The following P3H2 variants were observed in gnomAD, a reference collection of about 807,000 sequenced individuals.
P3H2 encodes prolyl 3-hydroxylase 2, also known as leprecan-like 1.
In P3H2, 80 loss-of-function variants were observed where a neutral mutation model predicts 87.0. The ratio of observed to expected loss-of-function variants is 0.92; its 90% CI spans 0.77 to 1.11. The LOEUF is 1.11. Among genes scored for constraint, P3H2 ranks in the 50% least tolerant of loss-of-function variants. The pLI is 0.00. For synonymous variants in P3H2, 367 were observed against 359.3 expected, an observed-to-expected ratio of 1.02 and a Z score of -0.24; for missense variants, 1,001 against 923.9, an observed-to-expected ratio of 1.08 and a Z score of -1.08.
At chr3:189,988,221 G>C (rs1723766295) in intron 4 of P3H2, among the ~76,000 whole-genome samples, 1 of 152,070 alleles carries the variant, frequency 6.6e-6, no homozygotes, top group South Asian at 2.1e-4. Flanking sequence ...TCCTACAGTA[G>C]CAAACTACTA....
intron 1 of P3H2, among the ~76,000 whole-genome samples, chr3:190,024,989 C>CA (rs367759370): frequency 7.2e-4 from 107 of 148,792 alleles, no homozygotes; most frequent in Middle Eastern, 3.4e-3. Flanking sequence ...TATCAAAAGA[C>CA]AAAAAAAAAG....
At chr3:190,108,841 C>A (rs1051636206) in intron 1 of P3H2, among the ~76,000 whole-genome samples, 9 of 151,976 alleles carry the variant, frequency 5.9e-5, no homozygotes, top group African/African-American at 2.2e-4. Context: ...AGATCTTTCT[C>A]GTTTGTTTTT....
At chr3:190,075,548 T>C (rs1376799669) in intron 1 of P3H2, among the ~76,000 whole-genome samples, 5 of 150,662 alleles carry the variant, frequency 3.3e-5, no homozygotes, top group Non-Finnish European at 7.4e-5. Context: ...CCAAGACAGA[T>C]ACACATAAAA....
At chr3:190,081,211 C>T (rs940379081) in intron 1 of P3H2, among the ~76,000 whole-genome samples, 10 of 152,180 alleles carry the variant, frequency 6.6e-5, no homozygotes, top group African/African-American at 1.9e-4. Context: ...TATTATGGTT[C>T]GTTTGTGTAG....
Position 189,974,559 on chromosome 3 carries a change from C to G in P3H2, c.1451G>C (p.Ser484Thr), listed in dbSNP as rs1240301231. The G allele has an allele frequency of 3.1e-6, 5 of 1,613,566 alleles. No individual in the cohort carries two copies. In the African/African-American group the frequency reaches 6.7e-5, roughly 22 times the overall value. ...EQCRELHSVA[S>T]GIMLVGDGYR... is the part of the protein sequence containing the mutation. Reference sequence around the variant, plus strand: ...TCCCCTCCTTCTCCGGATCCTCACACTGGCCACGCTGTGGAGCTCCCGGCA... The same window carrying G: ...TCCCCTCCTTCTCCGGATCCTCACAGTGGCCACGCTGTGGAGCTCCCGGCA... Residue 484 changes from serine (S) to threonine (T), a missense_variant and splice_region_variant, in exon 9 of 15, where the codon AGT (serine) becomes ACT (threonine). Transcript: ENST00000319332.
chr3:190,113,419 C>A (rs1259406717), intron 1 of P3H2, among the ~76,000 whole-genome samples: 1 of 152,180 alleles, frequency 6.6e-6, no homozygotes, highest in African/African-American at 2.4e-5. Flanking sequence ...TTACCCTTTC[C>A]TCCCTTGCTT....
At chr3:189,971,695 T>G in intron 12 of P3H2, 195 bp downstream of exon 12, 1 of 577,292 alleles carries the variant, frequency 1.7e-6, no homozygotes. Flanking sequence ...GGATGCAAAC[T>G]GTGCACAATT....
At chr3:190,060,249 A>C (rs1335014762) in intron 1 of P3H2, among the ~76,000 whole-genome samples, 2 of 152,288 alleles carry the variant, frequency 1.3e-5, no homozygotes, top group African/African-American at 2.4e-5. Context: ...AGAAAAATAC[A>C]ACATTTGCCA....
chr3:190,102,125 T>C (rs1440926058), intron 1 of P3H2, among the ~76,000 whole-genome samples: 2 of 152,226 alleles, frequency 1.3e-5, no homozygotes, highest in Admixed American at 1.3e-4. Flanking sequence ...ACAATGCTTC[T>C]AGTCACCCAA....
At chr3:190,036,874 G>A (rs917780140) in intron 1 of P3H2, among the ~76,000 whole-genome samples, 5 of 151,958 alleles carry the variant, frequency 3.3e-5, no homozygotes, top group African/African-American at 1.2e-4. Flanking sequence ...AACAACAAAG[G>A]CCTCCAAAGG....
In P3H2 at chr3:190,072,279, G is replaced by A. The variant is rs373255825; in HGVS notation, c.480+47973C>T. On this transcript the variant is annotated intron_variant, in intron 1 of 14. Transcript: ENST00000319332. Reference sequence around the variant, plus strand: ...TGACCTTAGGTGATCTGCCCACCTCGGCCTCCCAAAGTACTGGAATTACAG... The same window carrying A: ...TGACCTTAGGTGATCTGCCCACCTCAGCCTCCCAAAGTACTGGAATTACAG... Among the ~76,000 whole-genome samples the A allele has an allele frequency of 2.8e-4, 43 of 152,026 alleles. No individual in the cohort carries two copies. The East Asian group carries it at 8.1e-3, about 29-fold the overall frequency.
chr3:189,976,213 T>C (rs1252117995), intron 8 of P3H2, among the ~76,000 whole-genome samples: 1 of 152,208 alleles, frequency 6.6e-6, no homozygotes, highest in Admixed American at 6.5e-5. Context: ...GTTAAACTAC[T>C]ACACAATCTT....
chr3:190,002,239 T>C (rs1161225842), intron 1 of P3H2, among the ~76,000 whole-genome samples: 7 of 152,158 alleles, frequency 4.6e-5, no homozygotes. Flanking sequence ...AAACAGTTTA[T>C]ATCTCCTGAC....
At chr3:190,039,315 G>T (rs556186745) in intron 1 of P3H2, among the ~76,000 whole-genome samples, 29 of 142,220 alleles carry the variant, frequency 2.0e-4, no homozygotes, top group African/African-American at 6.4e-4. Context: ...TAGTTAAATG[G>T]CAACTCATGT....
At chr3:189,984,234 G>C (rs1447035338) in intron 7 of P3H2, among the ~76,000 whole-genome samples, 1 of 152,076 alleles carries the variant, frequency 6.6e-6, no homozygotes, top group Non-Finnish European at 1.5e-5. Context: ...CAGTTTTTCT[G>C]TTAATAAATC....
chr3:190,094,325 A>G (rs1727503840), intron 1 of P3H2, among the ~76,000 whole-genome samples: 1 of 152,236 alleles, frequency 6.6e-6, no homozygotes, highest in Non-Finnish European at 1.5e-5. Context: ...TAGTATTTCA[A>G]CTAGCCTCGG....
At chr3:190,024,530 C>CAAAAAAAAAAAAAAAAAAAAA (rs71635314) in intron 1 of P3H2, among the ~76,000 whole-genome samples, 1 of 52,952 alleles carries the variant, frequency 1.9e-5, no homozygotes, top group African/African-American at 6.5e-5. Context: ...GGTTCCCTCT[C>CAAAAAAAAAAAAAAAAAAAAA]AAAAAAAAAA....
chr3:190,040,980 T>G (rs575743694), intron 1 of P3H2, among the ~76,000 whole-genome samples: 104 of 139,454 alleles, frequency 7.5e-4, no homozygotes, highest in Non-Finnish European at 1.4e-3. Flanking sequence ...ACTCAGGAGT[T>G]AAAGATCAGC....
At chr3:189,958,823 C>T (rs1722721131) in intron 14 of P3H2, among the ~76,000 whole-genome samples, 1 of 151,524 alleles carries the variant, frequency 6.6e-6, no homozygotes, top group South Asian at 2.1e-4. Context: ...CCTGCCTCAG[C>T]CTCCCAAGTA....
Sources: gnomAD v4.1 joint callset for allele counts (sites outside exome capture counted in the v4.1 genomes callset) on GRCh38, gnomAD v4.1.1 for gene constraint, MANE v1.5 for transcripts, NCBI Gene and HGNC (gene_info 2026-07-23, HGNC 2026-07-21) for gene names.